Variants in PSD2 observed in about 807,000 individuals in gnomAD.
The protein encoded by PSD2 is pleckstrin and Sec7 domain containing 2.
A neutral mutation model predicts 69.8 loss-of-function variants in PSD2; 38 were observed. The ratio of observed to expected loss-of-function variants is 0.54; its 90% CI spans 0.42 to 0.71. The LOEUF (loss-of-function observed/expected upper bound fraction) is 0.71, where lower values mean the gene tolerates loss of function less well. Ranked by LOEUF, PSD2 falls within the 30% of genes least tolerant of loss-of-function variation. The probability of loss-of-function intolerance (pLI) is 0.00; values close to 1 mark genes in which losing one functional copy is unlikely to be tolerated. For missense variants in PSD2, 943 were observed against 1,014.5 expected, an observed-to-expected ratio of 0.93 and a Z score of 0.96; for synonymous variants, 412 against 423.0, an observed-to-expected ratio of 0.97 and a Z score of 0.32.
chr5:139,838,661 G>T lies in PSD2; in HGVS notation c.1857G>T (p.Arg619Ser), dbSNP rs1760798107. 1.9e-6 allele frequency: 3 copies of T among 1,613,810 alleles called. No individual in the cohort carries two copies. Among genetic ancestry groups the T allele is most frequent in the Non-Finnish European group, 2.5e-6 (3 of 1,179,898 alleles). ...SKEEMLSWIL[R>S]INLVAAIFSA... ...AAGAAATGCTGTCCTGGATCCTCAGGATCAACCTGGTGGCAGCCATCTTCT... is the reference window on the plus strand; with the variant it reads ...AAGAAATGCTGTCCTGGATCCTCAGTATCAACCTGGTGGCAGCCATCTTCT... The change falls in exon 13 of 15, where the codon AGG (arginine) becomes AGT (serine). Residue 619 changes from arginine (R) to serine (S), a missense_variant. Arg to Ser is a moderately radical substitution (Grantham distance 110). Transcript: ENST00000274710.
At chr5:139,777,249 C>CA in the PSD2 span, among the ~76,000 whole-genome samples, 7 of 152,084 alleles carry the variant, frequency 4.6e-5, no homozygotes, top group East Asian at 3.8e-4. Flanking sequence ...TCTCAATACA[C>CA]AAAAAAATAT....
At chr5:139,771,203 T>C in the PSD2 span, among the ~76,000 whole-genome samples, 1 of 152,252 alleles carries the variant, frequency 6.6e-6, no homozygotes, top group African/African-American at 2.4e-5. Context: ...GGGTCCCATG[T>C]TGTGACTGGC....
At chr5:139,766,828 C>CTTCCTTCTTTCTTTCT in the PSD2 span, among the ~76,000 whole-genome samples, 1 of 87,736 alleles carries the variant, frequency 1.1e-5, no homozygotes, top group African/African-American at 3.6e-5. Flanking sequence ...AAGTCCCTTC[C>CTTCCTTCTTTCTTTCT]TTCTTTCTTT....
the PSD2 span, among the ~76,000 whole-genome samples, chr5:139,774,291 C>A: frequency 2.0e-5 from 3 of 152,188 alleles, no homozygotes; most frequent in Non-Finnish European, 2.9e-5. Flanking sequence ...AAGAAAGCAG[C>A]CAGTGGTGGA....
the PSD2 span, among the ~76,000 whole-genome samples, chr5:139,766,375 A>G: frequency 6.6e-6 from 1 of 152,128 alleles, no homozygotes; most frequent in Non-Finnish European, 1.5e-5. Flanking sequence ...CTGCCCGTCT[A>G]CCAGCGCCTA....
At chr5:139,809,995 AG>A (rs1759919756) in intron 2 of PSD2, among the ~76,000 whole-genome samples, 184 bp downstream of exon 2, 1 of 151,304 alleles carries the variant, frequency 6.6e-6, no homozygotes, top group Non-Finnish European at 1.5e-5. Flanking sequence ...GAGAATTCAA[AG>A]GCCAGCAGAT....
chr5:139,764,721 C>T, the PSD2 span, among the ~76,000 whole-genome samples: 1 of 152,158 alleles, frequency 6.6e-6, no homozygotes, highest in Non-Finnish European at 1.5e-5. Context: ...GAGCAGGGGG[C>T]TCCTTATTTT....
At chr5:139,768,218 AG>A in the PSD2 span, among the ~76,000 whole-genome samples, 1 of 152,202 alleles carries the variant, frequency 6.6e-6, no homozygotes, top group South Asian at 2.1e-4. Flanking sequence ...GAGGAAGAGG[AG>A]GGAGAAAGGA....
chr5:139,763,428 T>C, the PSD2 span, among the ~76,000 whole-genome samples: 1 of 152,180 alleles, frequency 6.6e-6, no homozygotes, highest in Non-Finnish European at 1.5e-5. Flanking sequence ...GGGTTCCCAA[T>C]CAGGCAGAAG....
the PSD2 span, among the ~76,000 whole-genome samples, chr5:139,788,929 C>T: frequency 1.3e-5 from 2 of 152,252 alleles, no homozygotes; most frequent in East Asian, 3.8e-4. Context: ...CTGGCCCCCA[C>T]AGCCAGGGCT....
Position 139,843,681 on chromosome 5 carries a change from T to C in PSD2, c.*1207T>C, listed in dbSNP as rs1178460504. The C allele has an allele frequency of 6.6e-6, 1 of 152,238 alleles. No homozygotes were observed. The highest frequency in any genetic ancestry group is 2.4e-5 in the African/African-American group (1 of 41,460). The allele number at this position is 152,238 out of a possible 1,614,324, so 9.4% of individuals were successfully genotyped here. On this transcript the variant is annotated 3_prime_UTR_variant, in exon 15 of 15. Coordinates refer to ENST00000274710, the MANE Select transcript of PSD2 (RefSeq NM_032289.4). ...GTTTTTCTGTCGCTATTTCTTTCAT[T>C]TGTCTAGTGAATCAGAAAGGCTTAG...
chr5:139,792,790 CCTCT>C (rs939421349), upstream of PSD2, among the ~76,000 whole-genome samples: 25 of 147,662 alleles, frequency 1.7e-4, no homozygotes, highest in Non-Finnish European at 2.8e-4. Context: ...TCCCTCCCTC[CCTCT>C]CTTTCTCTCT....
chr5:139,810,489 C>T (rs747908190), intron 2 of PSD2, among the ~76,000 whole-genome samples: 3 of 152,118 alleles, frequency 2.0e-5, no homozygotes, highest in Non-Finnish European at 2.9e-5. Flanking sequence ...GGGCAGTGTA[C>T]GGGTAGTGTG....
the PSD2 span, among the ~76,000 whole-genome samples, chr5:139,787,883 C>CT: frequency 1.1e-4 from 16 of 152,370 alleles, no homozygotes; most frequent in Admixed American, 3.3e-4. Flanking sequence ...CGGAGACAGC[C>CT]TGGGCAAAGT....
At chr5:139,835,862 T>G in intron 9 of PSD2, 96 bp downstream of exon 9, 1 of 1,198,056 alleles carries the variant, frequency 8.3e-7, no homozygotes, top group Non-Finnish European at 1.2e-6. Flanking sequence ...CTCTCCATGG[T>G]GCTGATCCCT....
chr5:139,772,262 C>A, the PSD2 span, among the ~76,000 whole-genome samples: 1 of 152,208 alleles, frequency 6.6e-6, no homozygotes, highest in Non-Finnish European at 1.5e-5. Context: ...CCAGACCCAG[C>A]AGCTCAGCCA....
At chr5:139,772,830 G>C in the PSD2 span, 2 of 152,142 alleles carry the variant, frequency 1.3e-5, no homozygotes, top group Non-Finnish European at 2.9e-5. Context: ...TGTTTGTTCA[G>C]TATCTTTTTC....
chr5:139,781,190 C>T, the PSD2 span, among the ~76,000 whole-genome samples: 1 of 152,154 alleles, frequency 6.6e-6, no homozygotes, highest in African/African-American at 2.4e-5. Context: ...AGGGTGGAGC[C>T]TCTAGAGATC....
At chr5:139,773,790 G>A in the PSD2 span, among the ~76,000 whole-genome samples, 1 of 152,140 alleles carries the variant, frequency 6.6e-6, no homozygotes, top group African/African-American at 2.4e-5. Context: ...AGGGGTATAA[G>A]CATATCTTCG....
Sources: allele counts gnomAD v4.1 joint callset (sites outside exome capture counted in the v4.1 genomes callset), GRCh38; gene constraint gnomAD v4.1.1; transcripts MANE v1.5; gene names NCBI Gene and HGNC (gene_info 2026-07-23, HGNC 2026-07-21).